Variants in THADA observed in about 807,000 individuals in gnomAD.
The protein encoded by THADA is THADA armadillo repeat containing.
Under a neutral mutation model 219.8 loss-of-function variants are expected in THADA, and 213 were observed. The observed-to-expected ratio is 0.97, with a 90% CI of 0.87 to 1.09. The LOEUF (loss-of-function observed/expected upper bound fraction) is 1.09, where lower values mean the gene tolerates loss of function less well. THADA is among the 50% of genes least tolerant of loss of function. The pLI, the probability that THADA is intolerant of heterozygous loss-of-function variation, is 0.00. For synonymous variants in THADA, 1,018 were observed against 828.9 expected, an observed-to-expected ratio of 1.23 and a Z score of -3.92; for missense variants, 2,956 against 2,311.3, an observed-to-expected ratio of 1.28 and a Z score of -5.72.
intron 28 of THADA, among the ~76,000 whole-genome samples, chr2:43,411,922 T>C (rs1676355541): frequency 6.6e-6 from 1 of 152,136 alleles, no homozygotes; most frequent in Admixed American, 6.6e-5. Context: ...AATTTCATGG[T>C]GATTGTGTTT....
At chr2:43,579,947 T>A (rs978041370) in intron 8 of THADA, among the ~76,000 whole-genome samples, 3 of 152,008 alleles carry the variant, frequency 2.0e-5, no homozygotes, top group African/African-American at 7.3e-5. Context: ...AACACTTTAC[T>A]GATTATGAAG....
chr2:43,416,990 C>T, intron 28 of THADA, among the ~76,000 whole-genome samples: 1 of 148,668 alleles, frequency 6.7e-6, no homozygotes, highest in African/African-American at 2.5e-5. Context: ...AAAACATTGG[C>T]AATTTAAAAA....
At chr2:43,585,728 T>C (rs921534976) in intron 7 of THADA, among the ~76,000 whole-genome samples, 1 of 151,880 alleles carries the variant, frequency 6.6e-6, no homozygotes, top group Admixed American at 6.6e-5. Flanking sequence ...AAAAAAACTA[T>C]CATGAATATA....
chr2:43,563,612 A>G (rs1280626710), intron 15 of THADA: 1 of 152,196 alleles, frequency 6.6e-6, no homozygotes, highest in African/African-American at 2.4e-5. Flanking sequence ...TTGACATATA[A>G]TAAGCACGAA....
chr2:43,554,024 T>A (rs1697058119), intron 17 of THADA, among the ~76,000 whole-genome samples: 1 of 152,180 alleles, frequency 6.6e-6, no homozygotes, highest in Non-Finnish European at 1.5e-5. Context: ...AAAAGTCCCT[T>A]ATCAGACATA....
intron 10 of THADA, among the ~76,000 whole-genome samples, chr2:43,576,044 T>C (rs1699821483): frequency 6.6e-6 from 1 of 152,206 alleles, no homozygotes. Flanking sequence ...TAGAAACTTT[T>C]ATAGTTTTAA....
At chr2:43,366,440 T>G (rs935223305) in intron 29 of THADA, among the ~76,000 whole-genome samples, 1 of 152,098 alleles carries the variant, frequency 6.6e-6, no homozygotes. Context: ...ATCACCTTGA[T>G]CTCCAATCTC....
rs1208050582 is a variant in THADA, at chr2:43,560,334, A to C, written c.2363T>G (p.Phe788Cys). 1.2e-5 allele frequency: 20 copies of C among 1,612,544 alleles called. No individual in the cohort carries two copies. The highest frequency in any genetic ancestry group is 1.6e-5 in the Non-Finnish European group (19 of 1,179,190). The change falls in exon 16 of 38, where the codon TTC becomes TGC. Residue 788 changes from phenylalanine to cysteine, a missense_variant. Coordinates refer to ENST00000405975, the MANE Select transcript of THADA (RefSeq NM_022065.5). ...QLSHDIDVGR[F>C]QTLMECFTST... is the part of the protein sequence containing the mutation. ...GGTAAAACATTCCATTAGTGTTTGG[A>C]AACGACCAACATCAATATCATGACT...
intron 29 of THADA, among the ~76,000 whole-genome samples, chr2:43,365,984 A>T (rs931300469): frequency 3.3e-5 from 5 of 152,208 alleles, no homozygotes; most frequent in Non-Finnish European, 7.3e-5. Context: ...AGCAGGGTCT[A>T]AAGCAAGTGA....
chr2:43,293,679 A>T (rs1675018424), intron 31 of THADA, among the ~76,000 whole-genome samples: 1 of 152,190 alleles, frequency 6.6e-6, no homozygotes, highest in Non-Finnish European at 1.5e-5. Flanking sequence ...ATTGTCAAAA[A>T]GTTCTTTTTG....
chr2:43,363,013 T>G (rs2104594658), intron 29 of THADA, among the ~76,000 whole-genome samples: 1 of 152,288 alleles, frequency 6.6e-6, no homozygotes, highest in South Asian at 2.1e-4. Context: ...TGGAAAGTCT[T>G]CAGAGGCAAT....
At chr2:43,445,149 G>A (rs1050373476) in intron 26 of THADA, among the ~76,000 whole-genome samples, 9 of 152,094 alleles carry the variant, frequency 5.9e-5, no homozygotes, top group African/African-American at 2.2e-4. Flanking sequence ...CACAGTGATT[G>A]CTGATAAAAA....
At chr2:43,522,117 G>C (rs1692568851) in intron 22 of THADA, among the ~76,000 whole-genome samples, 1 of 152,014 alleles carries the variant, frequency 6.6e-6, no homozygotes. Flanking sequence ...TTATTTCAAA[G>C]TTCATGTTTA....
rs567039407 is a variant in THADA at position 43,552,336 on chromosome 2, A to G, written c.2678T>C (p.Ile893Thr). Reference sequence around the variant, plus strand: ...CTCAAGATTTTCCATCAAGCATTTGATAACTAGAAAAAGCAAACAGAAAAT... The same window carrying G: ...CTCAAGATTTTCCATCAAGCATTTGGTAACTAGAAAAAGCAAACAGAAAAT... ...AVVERNTLMV[I>T]KCLMENLEEE... is the part of the protein sequence containing the mutation. The change falls in exon 18 of 38, where the codon ATC becomes ACC. Residue 893 changes from isoleucine to threonine, a missense_variant. Coordinates refer to ENST00000405975, the MANE Select transcript of THADA (RefSeq NM_022065.5). 9 of 1,585,918 alleles carry G rather than the reference A, an allele frequency of 5.7e-6. No homozygotes were observed. The highest frequency in any genetic ancestry group is 4.1e-5 in the African/African-American group (3 of 73,234).
At chr2:43,302,545 T>G (rs939181971) in intron 31 of THADA, among the ~76,000 whole-genome samples, 3 of 151,866 alleles carry the variant, frequency 2.0e-5, no homozygotes, top group African/African-American at 7.3e-5. Context: ...GGACAATACC[T>G]CCTACTGTGC....
intron 30 of THADA, among the ~76,000 whole-genome samples, chr2:43,331,236 A>G (rs180983640): frequency 9.1e-4 from 138 of 152,358 alleles, no homozygotes; most frequent in Non-Finnish European, 1.3e-4. Flanking sequence ...TGGTACTCTT[A>G]GCAACATTGG....
intron 4 of THADA, among the ~76,000 whole-genome samples, chr2:43,587,788 T>C (rs1701169006): frequency 6.6e-6 from 1 of 152,222 alleles, no homozygotes; most frequent in Non-Finnish European, 1.5e-5. Flanking sequence ...ACCTCCATTC[T>C]GGACTGTTTC....
intron 26 of THADA, among the ~76,000 whole-genome samples, chr2:43,462,841 C>T (rs563859708): frequency 3.3e-4 from 50 of 152,158 alleles, no homozygotes; most frequent in African/African-American, 1.2e-3. Context: ...AAGGCATTTC[C>T]AGTTCAAAAT....
chr2:43,513,556 AG>A (rs1347798057), intron 22 of THADA, among the ~76,000 whole-genome samples: 1 of 152,200 alleles, frequency 6.6e-6, no homozygotes, highest in East Asian at 1.9e-4. Flanking sequence ...CCAAGGGCAC[AG>A]GGGGCCTCTG....
Sources: gnomAD v4.1 joint callset for allele counts (sites outside exome capture counted in the v4.1 genomes callset) on GRCh38, gnomAD v4.1.1 for gene constraint, MANE v1.5 for transcripts, NCBI Gene and HGNC (gene_info 2026-07-23, HGNC 2026-07-21) for gene names.